Variants in NEXMIF observed in about 807,000 individuals in gnomAD.
NEXMIF encodes the protein XLMR protein related to neurite extension.
A neutral mutation model predicts 62.1 loss-of-function variants in NEXMIF; 8 were observed. The observed-to-expected ratio is 0.13, with a 90% confidence interval of 0.08 to 0.23. The LOEUF (loss-of-function observed/expected upper bound fraction) is 0.23, where lower values mean the gene tolerates loss of function less well. NEXMIF is among the 10% of genes least tolerant of loss of function. The probability of loss-of-function intolerance (pLI) is 1.00; values close to 1 mark genes in which losing one functional copy is unlikely to be tolerated. For synonymous variants in NEXMIF, 404 were observed against 416.6 expected (o/e 0.97, Z 0.37); for missense variants, 976 against 1,113.3 (o/e 0.88, Z 1.75).
chrX:74,740,052 T>C, intron 3 of NEXMIF, 48 bp downstream of exon 3: 5 of 1,117,145 alleles, frequency 4.5e-6, no homozygotes, highest in Non-Finnish European at 6.1e-6. Flanking sequence ...TAGTAGGTAG[T>C]AGGAGAGCTA....
intron 1 of NEXMIF, among the ~76,000 whole-genome samples, chrX:74,834,294 T>C (rs2080449036): frequency 9.0e-6 from 1 of 111,338 alleles, no homozygotes; most frequent in African/African-American, 3.3e-5. Flanking sequence ...TTATTTTTGA[T>C]TGGTTCATCA....
intron 1 of NEXMIF, among the ~76,000 whole-genome samples, chrX:74,776,453 C>T (rs777164307): frequency 6.4e-4 from 71 of 111,127 alleles, no homozygotes; most frequent in Non-Finnish European, 1.2e-3. Flanking sequence ...TGGCCGGGCG[C>T]GGTGGCTCAC....
At chrX:74,851,636 G>A (rs1000528730) in intron 1 of NEXMIF, among the ~76,000 whole-genome samples, 2 of 110,363 alleles carry the variant, frequency 1.8e-5, no homozygotes, top group Admixed American at 9.7e-5. Context: ...ACCCAGCAAA[G>A]TTAACATTCA....
At chrX:74,765,902 G>A (rs962000781) in intron 1 of NEXMIF, among the ~76,000 whole-genome samples, 3 of 105,816 alleles carry the variant, frequency 2.8e-5, no homozygotes, top group Admixed American at 1.0e-4. Context: ...GTAACCAGGT[G>A]TGGTGGCACA....
chrX:74,890,495 T>A (rs751185379), intron 1 of NEXMIF, among the ~76,000 whole-genome samples: 44 of 111,065 alleles, frequency 4.0e-4, no homozygotes, highest in African/African-American at 1.3e-3. Context: ...TAAAAAAACT[T>A]AAAAAGAGAA....
At chrX:74,854,182 A>G (rs1006440677) in intron 1 of NEXMIF, among the ~76,000 whole-genome samples, 22 of 112,092 alleles carry the variant, frequency 2.0e-4, no homozygotes, top group African/African-American at 6.5e-4. Context: ...CCTTAACTAC[A>G]TACTAGCAAA....
chrX:74,836,203 C>T (rs2080455911), intron 1 of NEXMIF, among the ~76,000 whole-genome samples: 1 of 112,492 alleles, frequency 8.9e-6, no homozygotes, highest in Admixed American at 9.4e-5. Context: ...TATGGTCTGA[C>T]CCAGGGCAGG....
At chrX:74,825,825 T>G (rs2080414562) in intron 1 of NEXMIF, among the ~76,000 whole-genome samples, 1 of 112,545 alleles carries the variant, frequency 8.9e-6, no homozygotes, top group South Asian at 3.7e-4. Flanking sequence ...AGTGCTGGGA[T>G]TACAGGTGTG....
Position 74,740,734 on chromosome X carries a change from T to C in NEXMIF, c.3823A>G (p.Ser1275Gly), listed in dbSNP as rs201434271. The C allele has an allele frequency of 1.8e-4, 212 of 1,211,031 alleles. 1 individual carries two copies. Among genetic ancestry groups the C allele is most frequent in the Middle Eastern group, 9.2e-4 (4 of 4,354 alleles). ...CAATCTCCAGAAAGTCCCTTTTGACTTGGCATCTTCATAGAGGCCATAGGG... is the reference window on the plus strand; with the variant it reads ...CAATCTCCAGAAAGTCCCTTTTGACCTGGCATCTTCATAGAGGCCATAGGG... ...GGPMASMKMP[S>G]QKGLSGDWAL... Residue 1275 changes from serine to glycine, a missense_variant, in exon 3 of 4, where the codon AGT becomes GGT. By Grantham distance (56) the Ser-to-Gly change is moderately conservative. Around this residue, in one of 5 missense-constraint regions of NEXMIF, gnomAD observed 639 missense variants for 694.5 expected, o/e 0.92. Coordinates refer to ENST00000055682, the MANE Select transcript of NEXMIF (RefSeq NM_001008537.3).
At chrX:74,915,304 T>C (rs754421815) in intron 1 of NEXMIF, among the ~76,000 whole-genome samples, 12 of 111,728 alleles carry the variant, frequency 1.1e-4, no homozygotes, top group African/African-American at 3.9e-4. Context: ...AACACAAATA[T>C]ACACATGTGA....
At position 74,865,964 on chromosome X, in the gene NEXMIF, C is replaced by T. The variant is rs534390101; in HGVS notation, c.-48+58919G>A. Among the ~76,000 whole-genome samples the T allele has an allele frequency of 1.3e-4, 14 of 111,355 alleles. No homozygotes were observed. In the South Asian group the frequency reaches 1.9e-3, roughly 15 times the overall value. ...ACCTCTGCTAGAGAACTGTGGAAGG[C>T]AAATATGGGGTGGAAGTCCCCACAC... On this transcript the variant is annotated intron_variant, in intron 1 of 3. Coordinates refer to ENST00000055682, the MANE Select transcript of NEXMIF (RefSeq NM_001008537.3).
intron 1 of NEXMIF, among the ~76,000 whole-genome samples, chrX:74,862,202 A>T (rs2080560226): frequency 9.0e-6 from 1 of 111,570 alleles, no homozygotes; most frequent in East Asian, 2.8e-4. Context: ...AGTTTCTGAC[A>T]AAACAGACTT....
At chrX:74,812,372 A>G (rs1210907179) in intron 1 of NEXMIF, among the ~76,000 whole-genome samples, 1 of 112,128 alleles carries the variant, frequency 8.9e-6, no homozygotes, top group Non-Finnish European at 1.9e-5. Context: ...CATTAAAAAA[A>G]TTTATTTAAA....
chrX:74,796,219 A>ACATATATAT (rs2080309378), intron 1 of NEXMIF, among the ~76,000 whole-genome samples: 2 of 69,390 alleles, frequency 2.9e-5, no homozygotes, highest in African/African-American at 1.2e-4. Flanking sequence ...TTATATATAT[A>ACATATATAT]TACATATATA....
intron 1 of NEXMIF, among the ~76,000 whole-genome samples, chrX:74,773,812 G>A (rs917286654): frequency 1.4e-4 from 14 of 102,586 alleles, no homozygotes; most frequent in African/African-American, 5.0e-4. Flanking sequence ...GGGAGGCTGA[G>A]CCAGGAGAAT....
intron 1 of NEXMIF, among the ~76,000 whole-genome samples, chrX:74,874,464 T>A (rs2080619913): frequency 9.0e-6 from 1 of 111,250 alleles, no homozygotes; most frequent in African/African-American, 3.3e-5. Context: ...TAGGATTGAC[T>A]TGGTGATGTG....
At chrX:74,750,667 A>T (rs2080139199) in intron 1 of NEXMIF, among the ~76,000 whole-genome samples, 1 of 111,835 alleles carries the variant, frequency 8.9e-6, no homozygotes, top group African/African-American at 3.2e-5. Flanking sequence ...GCAACAGTAC[A>T]GGGAGCACAT....
chrX:74,885,808 A>G (rs4562504), intron 1 of NEXMIF, among the ~76,000 whole-genome samples: 31,057 of 110,611 alleles, frequency 0.28, 6,307 homozygotes, highest in East Asian at 0.9. Flanking sequence ...TGAGGCCAGC[A>G]TCATCCTGAT....
chrX:74,871,841 C>T (rs1406378945), intron 1 of NEXMIF, among the ~76,000 whole-genome samples: 1 of 111,405 alleles, frequency 9.0e-6, no homozygotes, highest in Non-Finnish European at 1.9e-5. Context: ...TCATATTGTT[C>T]AAACACCCTT....
Sources: allele counts gnomAD v4.1 joint callset (sites outside exome capture counted in the v4.1 genomes callset), GRCh38; gene constraint gnomAD v4.1.1; regional missense constraint gnomAD v4.1.1; transcripts MANE v1.5; gene names NCBI Gene and HGNC (gene_info 2026-07-23, HGNC 2026-07-21).